SLC9A9: variants seen among roughly 807,000 people sequenced by gnomAD.
SLC9A9 encodes the protein sodium/hydrogen exchanger 9.
SLC9A9 carries 62 observed loss-of-function variants against 77.8 expected under a neutral mutation model. The observed-to-expected ratio is 0.80, with a 90% CI of 0.65 to 0.98. The LOEUF (loss-of-function observed/expected upper bound fraction) is 0.98, where lower values mean the gene tolerates loss of function less well. SLC9A9 is among the 50% of genes least tolerant of loss of function. SLC9A9 has a pLI of 0.00. For missense variants in SLC9A9, 775 were observed against 774.9 expected, an observed-to-expected ratio of 1.00 and a Z score of 0.00; for synonymous variants, 320 against 283.5, an observed-to-expected ratio of 1.13 and a Z score of -1.29.
intron 5 of SLC9A9, among the ~76,000 whole-genome samples, chr3:143,676,729 CCTT>C (rs1230307308): frequency 6.6e-6 from 1 of 151,740 alleles, no homozygotes; most frequent in Non-Finnish European, 1.5e-5. Flanking sequence ...GAGTGAGACT[CCTT>C]CTCAAACAAA....
intron 9 of SLC9A9, among the ~76,000 whole-genome samples, chr3:143,514,594 A>G (rs762887421): frequency 1.3e-5 from 2 of 152,234 alleles, no homozygotes; most frequent in Non-Finnish European, 2.9e-5. Flanking sequence ...ATAACTTGCT[A>G]CAGCTTCTAC....
chr3:143,787,916 G>T (rs922459726), intron 4 of SLC9A9, among the ~76,000 whole-genome samples: 6 of 151,680 alleles, frequency 4.0e-5, no homozygotes, highest in African/African-American at 1.5e-4. Flanking sequence ...AAACAGTAAA[G>T]AACTACAGTA....
At chr3:143,335,108 T>G (rs1217964649) in intron 14 of SLC9A9, among the ~76,000 whole-genome samples, 1 of 152,008 alleles carries the variant, frequency 6.6e-6, no homozygotes, top group African/African-American at 2.4e-5. Flanking sequence ...ACCTGCAGGA[T>G]TCAAGATCAA....
At chr3:143,631,639 A>G (rs1471493635) in intron 6 of SLC9A9, among the ~76,000 whole-genome samples, 1 of 151,986 alleles carries the variant, frequency 6.6e-6, no homozygotes, top group Non-Finnish European at 1.5e-5. Flanking sequence ...CCCATAGCAA[A>G]TGGTCCCTAG....
chr3:143,415,014 T>G (rs1367638382), intron 12 of SLC9A9, among the ~76,000 whole-genome samples: 1 of 152,174 alleles, frequency 6.6e-6, no homozygotes, highest in Admixed American at 6.6e-5. Flanking sequence ...GGCAGGAAGT[T>G]TTAGCCATCT....
rs2008400469 is a variant in SLC9A9, at chr3:143,796,892, A to G, written c.390T>C (p.Asp130=). 6.2e-7 allele frequency: 1 copy of G among 1,612,176 alleles called. No homozygotes were observed. The highest frequency in any genetic ancestry group is 1.3e-5 in the African/African-American group (1 of 74,978). ...GTAAAACATTGAAGAAGATTTCTGGATCAAATGTCATCTGCCAGAAAGGAA... is the reference window on the plus strand; with the variant it reads ...GTAAAACATTGAAGAAGATTTCTGGGTCAAATGTCATCTGCCAGAAAGGAA... The part of the protein sequence containing the change: ...GNAILEKMTF[D]PEIFFNVLLP... Residue 130 remains aspartate (D), a synonymous_variant, in exon 3 of 16, where the codon GAT becomes GAC. Coordinates refer to ENST00000316549, the MANE Select transcript of SLC9A9 (RefSeq NM_173653.4).
chr3:143,331,264 C>T (rs568167306), intron 14 of SLC9A9, among the ~76,000 whole-genome samples: 9 of 152,272 alleles, frequency 5.9e-5, no homozygotes, highest in African/African-American at 2.2e-4. Flanking sequence ...GGCTGGTGGG[C>T]TGCCTTGCCC....
chr3:143,467,064 G>T lies in SLC9A9; in HGVS notation c.1442C>A (p.Thr481Asn), dbSNP rs1337577009. 1 of 1,613,944 alleles carries T rather than the reference G, an allele frequency of 6.2e-7. No individual in the cohort carries two copies. ...GATCTGAAGCCAAGTCAACATGGGG[G>T]TTGTTCCTCCTCCAAATACCCAGAC... is the stretch of plus-strand genomic sequence containing the variant. ...FTVWVFGGGT[T>N]PMLTWLQIRV... Residue 481 changes from threonine to asparagine, a missense_variant, in exon 12 of 16, where the codon ACC becomes AAC. Thr to Asn is a moderately conservative substitution (Grantham distance 65). Transcript: ENST00000316549.
At chr3:143,348,016 A>ATT (rs11397226) in intron 14 of SLC9A9, among the ~76,000 whole-genome samples, 4,928 of 142,374 alleles carry the variant, frequency 0.035, 278 homozygotes, top group African/African-American at 0.12. Flanking sequence ...TTAAGCAGTA[A>ATT]TTTTTTTTTT....
chr3:143,752,984 T>G (rs1473553101), intron 4 of SLC9A9, among the ~76,000 whole-genome samples: 1 of 152,168 alleles, frequency 6.6e-6, no homozygotes, highest in Non-Finnish European at 1.5e-5. Flanking sequence ...AGCTTTGATT[T>G]ATTGAGTAAG....
chr3:143,548,913 G>A (rs2036835476), intron 9 of SLC9A9, among the ~76,000 whole-genome samples: 1 of 152,168 alleles, frequency 6.6e-6, no homozygotes. Flanking sequence ...TGTAAATCAT[G>A]TCATCTTTGA....
chr3:143,313,061 CA>C (rs2031080022), intron 14 of SLC9A9: 1 of 152,176 alleles, frequency 6.6e-6, no homozygotes, highest in Non-Finnish European at 1.5e-5. Context: ...AAAAACTCAA[CA>C]AAAGTACCTA....
At position 143,811,909 on chromosome 3, in the gene SLC9A9, C is replaced by T. The variant is rs144700601; in HGVS notation, c.379-15006G>A. 1.2e-3 allele frequency: 379 copies of T among 327,454 alleles called. 4 individuals are homozygous for T. The highest frequency in any genetic ancestry group is 0.011 in the Admixed American group (234 of 21,474). The allele number at this position is 327,454 out of a possible 1,614,324, so 20.3% of individuals were successfully genotyped here. On this transcript the variant is annotated intron_variant, in intron 2 of 15. Transcript: ENST00000316549. ...AGAAAAGAAAAACAAGAAGTGTTCACTAGATCTGAATCTAAATGAAATAAA... is the reference window on the plus strand; with the variant it reads ...AGAAAAGAAAAACAAGAAGTGTTCATTAGATCTGAATCTAAATGAAATAAA...
chr3:143,558,129 G>A (rs1460898970), intron 8 of SLC9A9, among the ~76,000 whole-genome samples: 1 of 152,140 alleles, frequency 6.6e-6, no homozygotes, highest in Non-Finnish European at 1.5e-5. Context: ...TACATGGTGT[G>A]GAGCCTGTGG....
At chr3:143,552,245 C>A in intron 9 of SLC9A9, 117 bp downstream of exon 9, 1 of 720,712 alleles carries the variant, frequency 1.4e-6, no homozygotes, top group Non-Finnish European at 2.2e-6. Context: ...GTAATGAAGC[C>A]TTAAGCTTAC....
chr3:143,603,779 T>C (rs1293244011), intron 6 of SLC9A9, among the ~76,000 whole-genome samples: 3 of 152,246 alleles, frequency 2.0e-5, no homozygotes, highest in Non-Finnish European at 4.4e-5. Context: ...TGGACAACCG[T>C]TACTTAGGCT....
intron 14 of SLC9A9, among the ~76,000 whole-genome samples, chr3:143,361,560 A>C (rs2032752945): frequency 6.6e-6 from 1 of 152,240 alleles, no homozygotes; most frequent in Non-Finnish European, 1.5e-5. Flanking sequence ...TCTAGGTATA[A>C]ATTCAGAGCA....
chr3:143,334,796 A>G (rs1414025753), intron 14 of SLC9A9, among the ~76,000 whole-genome samples: 1 of 152,224 alleles, frequency 6.6e-6, no homozygotes, highest in Non-Finnish European at 1.5e-5. Context: ...CAACTCATAA[A>G]GATATGCCAA....
intron 14 of SLC9A9, among the ~76,000 whole-genome samples, chr3:143,353,518 T>C (rs1222842091): frequency 6.6e-6 from 1 of 152,238 alleles, no homozygotes; most frequent in Non-Finnish European, 1.5e-5. Context: ...GGGATCTTCA[T>C]CCTGGACTTC....
Sources: gnomAD v4.1 joint callset for allele counts (sites outside exome capture counted in the v4.1 genomes callset) on GRCh38, gnomAD v4.1.1 for gene constraint, MANE v1.5 for transcripts, NCBI Gene and HGNC (gene_info 2026-07-23, HGNC 2026-07-21) for gene names.